Variants in INPP5A observed in about 807,000 individuals in gnomAD.
The protein encoded by INPP5A is 43 kDa inositol polyphosphate 5-phophatase.
Under a neutral mutation model 65.2 loss-of-function variants are expected in INPP5A, and 14 were observed. That is an observed-to-expected ratio of 0.21 (90% CI 0.14 to 0.34). The LOEUF is 0.34. Among genes scored for constraint, INPP5A ranks in the 10% least tolerant of loss-of-function variants. INPP5A has a pLI of 1.00. For synonymous variants in INPP5A, 207 were observed against 208.3 expected, an observed-to-expected ratio of 0.99 and a Z score of 0.05; for missense variants, 431 against 545.6, an observed-to-expected ratio of 0.79 and a Z score of 2.09.
intron 5 of INPP5A, among the ~76,000 whole-genome samples, chr10:132,692,847 C>T (rs1254052794): frequency 6.6e-6 from 1 of 152,064 alleles, no homozygotes. Flanking sequence ...TCTGGTTTAC[C>T]TAAAGAAAGA....
At chr10:132,745,745 GC>G (rs1846359246) in intron 9 of INPP5A, among the ~76,000 whole-genome samples, 1 of 150,830 alleles carries the variant, frequency 6.6e-6, no homozygotes, top group Non-Finnish European at 1.5e-5. Context: ...GTGGGCCTCA[GC>G]TGTGGTGGCC....
chr10:132,775,668 G>A (rs1332617765), intron 12 of INPP5A, among the ~76,000 whole-genome samples: 1 of 152,170 alleles, frequency 6.6e-6, no homozygotes, highest in African/African-American at 2.4e-5. Context: ...AACACTCCCA[G>A]GGAAGCCCTT....
Position 132,650,448 on chromosome 10 carries a change from A to T in INPP5A, c.249A>T (p.Glu83Asp), listed in dbSNP as rs762379820. ...TATTGTCGAGTGATGCGATGAAAGA[A>T]TATAACAGGGCTCGAGTCTACCTGG... The part of the protein sequence containing the change: ...KELLSSDAMK[E>D]YNRARVYLDE... Residue 83 changes from glutamate to aspartate, a missense_variant, in exon 4 of 16, where the codon GAA becomes GAT. By Grantham distance (45) the Glu-to-Asp change is conservative. Coordinates refer to ENST00000368594, the MANE Select transcript of INPP5A (RefSeq NM_005539.5). The surrounding 1 kb of genome is among the most constrained non-coding windows in gnomAD (Gnocchi z 5.5). 1.9e-5 allele frequency: 31 copies of T among 1,613,840 alleles called. No individual in the cohort carries two copies. The highest frequency in any genetic ancestry group is 2.5e-5 in the Non-Finnish European group (29 of 1,179,856).
In INPP5A at chr10:132,550,116, G is replaced by A. The variant is rs533571802; in HGVS notation, c.75+11945G>A. ...CTCGAGTTACTAACCGGGCATTAGG[G>A]GATGGGGTCAGGCTCGAGTTACTAA... On this transcript the variant is annotated intron_variant, in intron 1 of 15. Coordinates refer to ENST00000368594, the MANE Select transcript of INPP5A (RefSeq NM_005539.5). The surrounding 1 kb of genome is among the most constrained non-coding windows in gnomAD (Gnocchi z 4.2). 4.6e-5 allele frequency among the ~76,000 whole-genome samples: 7 copies of A among 151,696 alleles called. No individual in the cohort carries two copies. Among genetic ancestry groups the A allele is most frequent in the Non-Finnish European group, 8.8e-5 (6 of 67,916 alleles).
intron 11 of INPP5A, among the ~76,000 whole-genome samples, chr10:132,752,394 C>T (rs139535656): frequency 4.2e-5 from 5 of 117,856 alleles, no homozygotes; most frequent in Non-Finnish European, 7.0e-5. Flanking sequence ...AGTTCCCAGC[C>T]GGGGCTGCGT....
chr10:132,751,861 G>A (rs1846486202), intron 11 of INPP5A, among the ~76,000 whole-genome samples: 1 of 150,430 alleles, frequency 6.6e-6, no homozygotes, highest in Non-Finnish European at 1.5e-5. Flanking sequence ...TGCCCAGGAG[G>A]TCTCTGGATG....
At chr10:132,777,530 G>T (rs1847084377) in intron 12 of INPP5A, 141 bp from the exon 13 acceptor site, 3 of 694,726 alleles carry the variant, frequency 4.3e-6, no homozygotes, top group Non-Finnish European at 7.1e-6. Flanking sequence ...TTATATTCTA[G>T]AAACTTCCAT....
chr10:132,577,043 ACT>A (rs1289390825), intron 1 of INPP5A, among the ~76,000 whole-genome samples: 7 of 151,986 alleles, frequency 4.6e-5, no homozygotes, highest in Non-Finnish European at 7.4e-5. Context: ...GCTCCAGAAA[ACT>A]CTGAGGGACC....
intron 4 of INPP5A, among the ~76,000 whole-genome samples, chr10:132,684,742 C>T (rs560551361): frequency 1.3e-5 from 2 of 152,250 alleles, no homozygotes; most frequent in Admixed American, 1.3e-4. Flanking sequence ...GGCTTGGCCT[C>T]TCCGTGATGT....
Position 132,727,824 on chromosome 10 carries a change from A to G in INPP5A, c.732+919A>G, listed in dbSNP as rs1023192690. 1.3e-5 allele frequency among the ~76,000 whole-genome samples: 2 copies of G among 151,966 alleles called. No individual in the cohort carries two copies. Among genetic ancestry groups the G allele is most frequent in the African/African-American group, 4.8e-5 (2 of 41,362 alleles). On this transcript the variant is annotated intron_variant, in intron 9 of 15. Transcript: ENST00000368594. The surrounding 1 kb of genome is among the most constrained non-coding windows in gnomAD (Gnocchi z 6.5). Reference sequence around the variant, plus strand: ...AAGTCGGATGGGGACACGGTGAGTCAGATGGGGACATGGTGAGTTGGATGG... The same window carrying G: ...AAGTCGGATGGGGACACGGTGAGTCGGATGGGGACATGGTGAGTTGGATGG...
chr10:132,711,577 C>T (rs1470725685), intron 8 of INPP5A, among the ~76,000 whole-genome samples: 1 of 152,156 alleles, frequency 6.6e-6, no homozygotes, highest in Non-Finnish European at 1.5e-5. Flanking sequence ...CCTGAGCCCC[C>T]GCCCAGCCCC....
rs764165381 is a variant in INPP5A at position 132,587,314 on chromosome 10, A to C, written c.76-20601A>C. 1.3e-5 allele frequency among the ~76,000 whole-genome samples: 2 copies of C among 152,092 alleles called. No individual in the cohort carries two copies. Among genetic ancestry groups the C allele is most frequent in the African/African-American group, 4.8e-5 (2 of 41,422 alleles). On this transcript the variant is annotated intron_variant, in intron 1 of 15. Transcript: ENST00000368594. This position sits in a 1 kb window ranked among gnomAD's most constrained non-coding sequence, Gnocchi z 4.3. ...GTGTCTGGGCAGGAGGGGCTGGTAC[A>C]TCCTCACAGGGGTGGCAGGGGGTCC...
At chr10:132,702,019 A>C (rs1845446077) in intron 6 of INPP5A, among the ~76,000 whole-genome samples, 1 of 152,216 alleles carries the variant, frequency 6.6e-6, no homozygotes, top group Admixed American at 6.5e-5. Context: ...CCCTAAACCC[A>C]AGGATGCGAC....
intron 8 of INPP5A, among the ~76,000 whole-genome samples, chr10:132,724,028 C>G (rs937514430): frequency 6.6e-6 from 1 of 152,198 alleles, no homozygotes; most frequent in African/African-American, 2.4e-5. Flanking sequence ...ACAAGACTTT[C>G]GTGGGCTTTG....
intron 2 of INPP5A, among the ~76,000 whole-genome samples, chr10:132,611,031 G>C (rs895920395): frequency 6.6e-6 from 1 of 150,852 alleles, no homozygotes; most frequent in African/African-American, 2.4e-5. Context: ...GCAGAGGAGA[G>C]GCCCTGTCAG....
At position 132,777,632 on chromosome 10, in the gene INPP5A, G is replaced by A. The variant is rs368398824; in HGVS notation, c.978-39G>A. ...GTCCCTTTGGGGCTGAGGACGGCCC[G>A]AGCCGGCCGGCTGACCCTCTGCCTT... On this transcript the variant is annotated intron_variant, in intron 12 of 15. Transcript: ENST00000368594. 958 of 1,593,222 alleles carry A rather than the reference G, an allele frequency of 6.0e-4. 8 individuals carry two copies. The South Asian group carries it at 9.7e-3, about 16-fold the overall frequency.
chr10:132,708,432 G>A lies in INPP5A; in HGVS notation c.527+67G>A, dbSNP rs571559932. 251 of 1,491,104 alleles carry A rather than the reference G, an allele frequency of 1.7e-4. 1 individual carries two copies. The highest frequency in any genetic ancestry group is 5.1e-4 in the Middle Eastern group (3 of 5,880). The allele number at this position is 1,491,104 out of a possible 1,614,324, so 92.4% of individuals were successfully genotyped here. ...TACCCTTTTATATCTTGCACCAGCG[G>A]CATGTTCCACACACCTCATTGGAGG... On this transcript the variant is annotated intron_variant, in intron 7 of 15. Transcript: ENST00000368594.
chr10:132,719,688 A>AG (rs1476193353), intron 8 of INPP5A, among the ~76,000 whole-genome samples: 24 of 54,010 alleles, frequency 4.4e-4, no homozygotes, highest in Middle Eastern at 0.015. Flanking sequence ...GCTGTCTTGC[A>AG]GGTTCTGTGG....
chr10:132,717,813 G>A (rs1392655252), intron 8 of INPP5A, among the ~76,000 whole-genome samples: 14 of 143,230 alleles, frequency 9.8e-5, no homozygotes, highest in African/African-American at 3.9e-4. Context: ...GTGGTACCTG[G>A]GTTCTGTCTG....
Sources: gnomAD v4.1 joint callset for allele counts (sites outside exome capture counted in the v4.1 genomes callset) on GRCh38, gnomAD v4.1.1 for gene constraint, Gnocchi (gnomAD v3.1) non-coding constraint, MANE v1.5 for transcripts, NCBI Gene and HGNC (gene_info 2026-07-23, HGNC 2026-07-21) for gene names.